The following ADCY8 variants were observed in gnomAD, a reference collection of about 807,000 sequenced individuals.
ADCY8 encodes adenylate cyclase 8.
Under a neutral mutation model 119.7 loss-of-function variants are expected in ADCY8, and 51 were observed. The observed-to-expected ratio is 0.43, with a 90% CI of 0.34 to 0.54. The LOEUF is 0.54. ADCY8 is among the 20% of genes least tolerant of loss of function. The pLI is 0.03. For missense variants in ADCY8, 1,383 were observed against 1,598.8 expected (o/e 0.87, Z 2.30); for synonymous variants, 665 against 651.0 (o/e 1.02, Z -0.33).
intron 15 of ADCY8, among the ~76,000 whole-genome samples, chr8:130,796,743 C>T (rs1271586098): frequency 6.7e-6 from 1 of 148,422 alleles, no homozygotes; most frequent in Non-Finnish European, 1.5e-5. Context: ...CTTCCCCCCG[C>T]CTCACCCTTT....
At chr8:130,847,326 A>G in intron 11 of ADCY8, 98 bp downstream of exon 11, 3 of 817,234 alleles carry the variant, frequency 3.7e-6, no homozygotes, top group Non-Finnish European at 5.9e-6. Flanking sequence ...AGGCCTCTTG[A>G]GTATTTTCTA....
intron 17 of ADCY8, 95 bp from the exon 18 acceptor site, chr8:130,780,972 G>A (rs536689138): frequency 2.0e-6 from 3 of 1,502,416 alleles, no homozygotes; most frequent in East Asian, 2.3e-5. Flanking sequence ...CTATGTGTGG[G>A]GTCTCTGTGG....
At chr8:130,952,738 G>T (rs759675692) in intron 2 of ADCY8, among the ~76,000 whole-genome samples, 3 of 152,174 alleles carry the variant, frequency 2.0e-5, no homozygotes, top group African/African-American at 2.4e-5. Context: ...GGGACCAGGT[G>T]GGGGAAGCTC....
intron 2 of ADCY8, among the ~76,000 whole-genome samples, chr8:130,953,237 T>C (rs1821328977): frequency 6.6e-6 from 1 of 152,192 alleles, no homozygotes; most frequent in Non-Finnish European, 1.5e-5. Flanking sequence ...AGTTGAGGCA[T>C]ATCACTATAG....
chr8:131,039,024 A>G (rs1303712817), intron 1 of ADCY8, among the ~76,000 whole-genome samples: 1 of 152,134 alleles, frequency 6.6e-6, no homozygotes, highest in African/African-American at 2.4e-5. Context: ...GTCACCTTCT[A>G]AATCTGGATG....
intron 4 of ADCY8, 53 bp from the exon 5 acceptor site, chr8:130,937,253 C>T (rs1419550246): frequency 1.3e-5 from 20 of 1,569,594 alleles, no homozygotes; most frequent in Non-Finnish European, 1.7e-5. Flanking sequence ...AGGATCAGTT[C>T]TTCAGAAAGG....
rs762003224 is a variant in ADCY8, at chr8:130,943,420, C to T, written c.1284G>A (p.Thr428=). The change falls in exon 4 of 18, where the codon ACG becomes ACA. Residue 428 remains threonine, a synonymous_variant. Transcript: ENST00000286355. The stretch of plus-strand genomic sequence containing the variant: ...TGACCAGCTCCTGAGCAGACAAGGT[C>T]GTGGAGAGGTTGGTAAATCCTTTAA... The part of the protein sequence containing the change: ...ADVKGFTNLS[T]TLSAQELVRM... The T allele has an allele frequency of 2.5e-5, 36 of 1,443,052 alleles. No homozygotes were observed. The highest frequency in any genetic ancestry group is 1.9e-4 in the Middle Eastern group (1 of 5,182). 89.4% of individuals were successfully genotyped at this position (1,443,052 alleles called of 1,614,324 possible).
intron 1 of ADCY8, among the ~76,000 whole-genome samples, chr8:130,999,190 A>G (rs2130758667): frequency 6.6e-6 from 1 of 152,296 alleles, no homozygotes; most frequent in South Asian, 2.1e-4. Flanking sequence ...CTGAGTTGAC[A>G]CAATAACATG....
At chr8:130,863,346 G>C (rs1479175616) in intron 9 of ADCY8, among the ~76,000 whole-genome samples, 4 of 147,608 alleles carry the variant, frequency 2.7e-5, no homozygotes, top group Admixed American at 2.0e-4. Flanking sequence ...TAACTTATTT[G>C]AGTCTATACC....
intron 17 of ADCY8, among the ~76,000 whole-genome samples, chr8:130,781,820 T>G (rs1315699153): frequency 1.4e-4 from 21 of 152,168 alleles, no homozygotes; most frequent in Admixed American, 1.4e-3. Context: ...CTAAACCTGT[T>G]AGTGGGCATG....
chr8:130,819,807 A>G (rs1412077790), intron 13 of ADCY8, among the ~76,000 whole-genome samples: 4 of 152,248 alleles, frequency 2.6e-5, no homozygotes, highest in Non-Finnish European at 4.4e-5. Context: ...AAATGGCTAG[A>G]CTTTGACATT....
At chr8:131,024,627 G>A (rs1015567264) in intron 1 of ADCY8, among the ~76,000 whole-genome samples, 2 of 152,200 alleles carry the variant, frequency 1.3e-5, no homozygotes, top group Non-Finnish European at 2.9e-5. Flanking sequence ...GTGCCATGAA[G>A]TCACTAATTA....
intron 12 of ADCY8, among the ~76,000 whole-genome samples, chr8:130,825,103 C>T (rs1044049410): frequency 4.6e-5 from 7 of 152,068 alleles, no homozygotes; most frequent in Admixed American, 2.0e-4. Flanking sequence ...GGGCACAGAG[C>T]GATGTTTCAA....
intron 5 of ADCY8, among the ~76,000 whole-genome samples, chr8:130,926,450 A>G (rs541605730): frequency 2.6e-5 from 4 of 152,314 alleles, no homozygotes; most frequent in Admixed American, 2.0e-4. Flanking sequence ...CATTTAAAAA[A>G]TATTTTTTAT....
chr8:130,908,108 G>T (rs959666050), intron 6 of ADCY8, among the ~76,000 whole-genome samples: 7 of 152,180 alleles, frequency 4.6e-5, no homozygotes, highest in African/African-American at 1.7e-4. Context: ...ATTGCATGGT[G>T]ATGTGCTGAT....
At chr8:131,028,323 A>G (rs897281603) in intron 1 of ADCY8, among the ~76,000 whole-genome samples, 2 of 152,232 alleles carry the variant, frequency 1.3e-5, no homozygotes, top group South Asian at 2.1e-4. Flanking sequence ...TCATGTCATA[A>G]TTCACCTGGC....
At chr8:130,879,639 G>A (rs1475503381) in intron 8 of ADCY8, among the ~76,000 whole-genome samples, 1 of 152,088 alleles carries the variant, frequency 6.6e-6, no homozygotes, top group Non-Finnish European at 1.5e-5. Flanking sequence ...ATTTAACTAT[G>A]AGAATAGTCA....
intron 14 of ADCY8, among the ~76,000 whole-genome samples, chr8:130,806,396 C>T (rs191530014): frequency 6.6e-6 from 1 of 152,320 alleles, no homozygotes; most frequent in East Asian, 1.9e-4. Flanking sequence ...TCCTCCTTAT[C>T]CCTATTGCTT....
chr8:130,932,255 G>A lies in ADCY8; in HGVS notation c.1481+4818C>T, dbSNP rs142855918. 2.9e-3 allele frequency among the ~76,000 whole-genome samples: 441 copies of A among 152,304 alleles called. 1 individual carries two copies. The highest frequency in any genetic ancestry group is 5.2e-3 in the South Asian group (25 of 4,826). On this transcript the variant is annotated intron_variant, in intron 5 of 17. Transcript: ENST00000286355. Reference sequence around the variant, plus strand: ...TTCCCATTGCTAAGGGATGTCCAGAGCCCAGGTCCACTAATGTCAACCTAA... The same window carrying A: ...TTCCCATTGCTAAGGGATGTCCAGAACCCAGGTCCACTAATGTCAACCTAA...
Sources: allele counts gnomAD v4.1 joint callset (sites outside exome capture counted in the v4.1 genomes callset), GRCh38; gene constraint gnomAD v4.1.1; transcripts MANE v1.5; gene names NCBI Gene and HGNC (gene_info 2026-07-23, HGNC 2026-07-21).